Variants in MAGI1 observed in about 807,000 individuals in gnomAD.
MAGI1 encodes membrane-associated guanylate kinase, WW and PDZ domain-containing protein 1.
In MAGI1, 58 loss-of-function variants were observed where a neutral mutation model predicts 139.9. That is an observed-to-expected ratio of 0.41 (90% confidence interval 0.34 to 0.52). MAGI1 has a LOEUF of 0.52. MAGI1 is among the 20% of genes least tolerant of loss of function. MAGI1 has a pLI of 0.12. For missense variants in MAGI1, 1,874 were observed against 1,901.6 expected (o/e 0.99, Z 0.27); for synonymous variants, 812 against 737.9 (o/e 1.10, Z -1.63).
intron 6 of MAGI1, among the ~76,000 whole-genome samples, chr3:65,451,370 T>C (rs1052531775): frequency 6.6e-6 from 1 of 152,208 alleles, no homozygotes; most frequent in Non-Finnish European, 1.5e-5. Context: ...CAAATAATGA[T>C]TATTGTTCCA....
In MAGI1 at chr3:65,442,720, C is replaced by T. The variant is rs375732134; in HGVS notation, c.1136+72G>A. On this transcript the variant is annotated intron_variant, in intron 8 of 22. Coordinates refer to ENST00000402939, the MANE Select transcript of MAGI1 (RefSeq NM_001033057.2). The stretch of plus-strand genomic sequence containing the variant: ...GTTTGTGCCTTATAATGATGTCAGG[C>T]TGTACTTAACACAAATGTACATAAT... The T allele has an allele frequency of 1.5e-5, 16 of 1,085,182 alleles. No homozygotes were observed. The African/African-American group carries it at 1.9e-4, about 13-fold the overall frequency. The allele number at this position is 1,085,182 out of a possible 1,614,324, so 67.2% of individuals were successfully genotyped here.
chr3:65,523,787 A>G (rs184451718), intron 2 of MAGI1, among the ~76,000 whole-genome samples: 2 of 152,350 alleles, frequency 1.3e-5, no homozygotes, highest in East Asian at 3.9e-4. Flanking sequence ...GTGAAACACA[A>G]ACAGTAATTA....
At chr3:65,983,475 T>C (rs531425326) in intron 1 of MAGI1, among the ~76,000 whole-genome samples, 2 of 152,350 alleles carry the variant, frequency 1.3e-5, no homozygotes, top group South Asian at 2.1e-4. Flanking sequence ...TTCACTCACA[T>C]AGTTTGGATG....
chr3:65,696,487 C>G (rs2107590741), intron 1 of MAGI1, among the ~76,000 whole-genome samples: 1 of 152,036 alleles, frequency 6.6e-6, no homozygotes, highest in Non-Finnish European at 1.5e-5. Context: ...TAAGGAGTCC[C>G]CATTAAATAT....
intron 5 of MAGI1, among the ~76,000 whole-genome samples, chr3:65,460,424 G>C (rs763980299): frequency 6.6e-6 from 1 of 151,552 alleles, no homozygotes; most frequent in Non-Finnish European, 1.5e-5. Flanking sequence ...TAGTGTAATA[G>C]TTCAATATTC....
intron 2 of MAGI1, among the ~76,000 whole-genome samples, chr3:65,559,590 C>A (rs1311956143): frequency 1.3e-5 from 2 of 152,178 alleles, no homozygotes; most frequent in Admixed American, 6.5e-5. Flanking sequence ...AGGGGCTACA[C>A]TATGTGATTT....
At chr3:65,397,871 TCTCC>T (rs1008204126) in intron 13 of MAGI1, among the ~76,000 whole-genome samples, 1 of 152,124 alleles carries the variant, frequency 6.6e-6, no homozygotes, top group African/African-American at 2.4e-5. Context: ...GGTTATTATT[TCTCC>T]CTCCCCATTT....
chr3:65,806,917 T>A (rs264078), intron 1 of MAGI1, among the ~76,000 whole-genome samples: 20,019 of 152,136 alleles, frequency 0.13, 1,884 homozygotes, highest in East Asian at 0.42. Context: ...ACTACTGATT[T>A]ATACTGATGA....
chr3:65,430,272 C>T (rs1575716421), intron 11 of MAGI1, 132 bp from the exon 12 acceptor site: 7 of 852,430 alleles, frequency 8.2e-6, no homozygotes, highest in East Asian at 2.7e-5. Flanking sequence ...GTATAAAGTG[C>T]TTCTATTACT....
At chr3:65,500,743 T>A (rs755143422) in intron 2 of MAGI1, among the ~76,000 whole-genome samples, 1 of 152,192 alleles carries the variant, frequency 6.6e-6, no homozygotes, top group Non-Finnish European at 1.5e-5. Flanking sequence ...ATGGCCAGAC[T>A]GTTAAAGGAA....
intron 6 of MAGI1, among the ~76,000 whole-genome samples, chr3:65,449,870 A>T (rs555593301): frequency 6.6e-6 from 1 of 152,316 alleles, no homozygotes; most frequent in Admixed American, 6.5e-5. Flanking sequence ...ATAAGTTCTC[A>T]ACAGAGTAAG....
chr3:65,473,639 CA>C (rs35970775), intron 4 of MAGI1, among the ~76,000 whole-genome samples: 16,929 of 86,864 alleles, frequency 0.19, 388 homozygotes, highest in Admixed American at 0.22. Context: ...TACATGTTTA[CA>C]AAAAAAAAAA....
intron 1 of MAGI1, among the ~76,000 whole-genome samples, chr3:66,025,128 C>G (rs1033353422): frequency 5.3e-5 from 8 of 152,146 alleles, no homozygotes; most frequent in African/African-American, 1.9e-4. Context: ...TAAAAGAGAA[C>G]TGAAAACACT....
At chr3:65,635,270 A>G (rs58241372) in intron 1 of MAGI1, among the ~76,000 whole-genome samples, 8,101 of 152,042 alleles carry the variant, frequency 0.053, 432 homozygotes, top group African/African-American at 0.13. Context: ...TCACCATGTC[A>G]GCCAGGGAGG....
At chr3:65,995,710 G>A (rs1213085381) in intron 1 of MAGI1, among the ~76,000 whole-genome samples, 1 of 152,134 alleles carries the variant, frequency 6.6e-6, no homozygotes, top group Non-Finnish European at 1.5e-5. Context: ...CTGAGCATGC[G>A]CTGCTCCACC....
chr3:65,878,538 G>A (rs1324487859), intron 1 of MAGI1, among the ~76,000 whole-genome samples: 3 of 147,536 alleles, frequency 2.0e-5, no homozygotes, highest in Non-Finnish European at 4.5e-5. Flanking sequence ...AAAAAAGAAC[G>A]CAGACTTATT....
At chr3:65,598,746 T>C (rs1186833636) in intron 2 of MAGI1, among the ~76,000 whole-genome samples, 3 of 152,142 alleles carry the variant, frequency 2.0e-5, no homozygotes, top group African/African-American at 7.2e-5. Flanking sequence ...AGGGGGAGGC[T>C]GGCCTCTGGT....
chr3:66,024,315 T>TAAAAA (rs34593257), intron 1 of MAGI1, among the ~76,000 whole-genome samples: 70 of 95,682 alleles, frequency 7.3e-4, no homozygotes, highest in Non-Finnish European at 1.1e-3. Flanking sequence ...CAAAGTTCAT[T>TAAAAA]AAAAAAAAAA....
chr3:65,934,616 C>T (rs760423379), intron 1 of MAGI1, among the ~76,000 whole-genome samples: 1 of 152,050 alleles, frequency 6.6e-6, no homozygotes, highest in Non-Finnish European at 1.5e-5. Context: ...AATTATAAAA[C>T]CGAGTCCCTC....
Sources: gnomAD v4.1 joint callset for allele counts (sites outside exome capture counted in the v4.1 genomes callset) on GRCh38, gnomAD v4.1.1 for gene constraint, MANE v1.5 for transcripts, NCBI Gene and HGNC (gene_info 2026-07-23, HGNC 2026-07-21) for gene names.